DOP1B: variants seen among roughly 807,000 people sequenced by gnomAD.
The protein encoded by DOP1B is DOP1 leucine zipper like protein B, also known as protein DOP1B.
A neutral mutation model predicts 233.5 loss-of-function variants in DOP1B; 174 were observed. The observed-to-expected ratio is 0.75, with a 90% CI of 0.66 to 0.85. The LOEUF is 0.85. Ranked by LOEUF, DOP1B falls within the 40% of genes least tolerant of loss-of-function variation. DOP1B has a pLI of 0.00. For synonymous variants in DOP1B, 1,190 were observed against 1,185.6 expected, an observed-to-expected ratio of 1.00 and a Z score of -0.08; for missense variants, 2,652 against 2,846.6, an observed-to-expected ratio of 0.93 and a Z score of 1.56.
Position 36,270,552 on chromosome 21 carries a change from CAAAAAAAAAAAAAA to C in DOP1B, c.5632+408_5632+421del, listed in dbSNP as rs398040600. Among the ~76,000 whole-genome samples the C allele has an allele frequency of 3.3e-4, 12 of 36,828 alleles. 1 individual carries two copies. The highest frequency in any genetic ancestry group is 1.2e-3 in the African/African-American group (12 of 9,940). The allele number at this position is 36,828 out of a possible 152,430, so 24.2% of individuals were successfully genotyped here. A position where few individuals can be genotyped will look rare whatever the true frequency, so the allele number is the denominator to read the frequency against. On this transcript the variant is annotated intron_variant, in intron 27 of 36. Transcript: ENST00000691173. ...CAGGCGACAAAGCAAGACTCCGTCTCAAAAAAAAAAAAAAAAAAAAAAAAAAGTATTTAGAGCAG... is the reference window on the plus strand; with the variant it reads ...CAGGCGACAAAGCAAGACTCCGTCTCAAAAAAAAAAAAGTATTTAGAGCAG...
intron 2 of DOP1B, among the ~76,000 whole-genome samples, chr21:36,183,480 T>C (rs1237700591): frequency 6.6e-6 from 1 of 152,260 alleles, no homozygotes; most frequent in African/African-American, 2.4e-5. Context: ...CAGAGCCTGT[T>C]TCTTCTGCAG....
At position 36,271,936 on chromosome 21, in the gene DOP1B, CT is replaced by C. The variant is rs34465846; in HGVS notation, c.5632+1794del. Reference sequence around the variant, plus strand: ...TCGCCTGAGGTGATTACAAATGATCCTTTTTTTTTTTTTTTCAGGATTAAGC... The same window carrying C: ...TCGCCTGAGGTGATTACAAATGATCCTTTTTTTTTTTTTTCAGGATTAAGC... On this transcript the variant is annotated intron_variant, in intron 27 of 36. Coordinates refer to ENST00000691173, the MANE Select transcript of DOP1B (RefSeq NM_001320714.2). Among the ~76,000 whole-genome samples, 222 of 134,532 alleles carry C rather than the reference CT, an allele frequency of 1.7e-3. 2 individuals are homozygous for C. The highest frequency in any genetic ancestry group is 4.7e-3 in the Middle Eastern group (1 of 214). The allele number at this position is 134,532 out of a possible 152,430, so 88.3% of individuals were successfully genotyped here. A position where few individuals can be genotyped will look rare whatever the true frequency, so the allele number is the denominator to read the frequency against.
chr21:36,243,615 A>G (rs1459357307), intron 18 of DOP1B, among the ~76,000 whole-genome samples: 3 of 151,836 alleles, frequency 2.0e-5, no homozygotes, highest in African/African-American at 7.3e-5. Context: ...TGTGTATTAT[A>G]CATACTCTCT....
intron 23 of DOP1B, 145 bp downstream of exon 23, chr21:36,254,054 C>A: frequency 9.2e-7 from 1 of 1,089,458 alleles, no homozygotes; most frequent in Non-Finnish European, 1.3e-6. Context: ...AGTGGAGGTG[C>A]TGTTTGCTGT....
intron 26 of DOP1B, among the ~76,000 whole-genome samples, chr21:36,266,705 C>T (rs1301052777): frequency 6.6e-6 from 1 of 152,212 alleles, no homozygotes; most frequent in Non-Finnish European, 1.5e-5. Context: ...ATCAATTTAA[C>T]CTTTAGCCCC....
chr21:36,244,224 G>A (rs1397067205), intron 18 of DOP1B, among the ~76,000 whole-genome samples: 1 of 151,564 alleles, frequency 6.6e-6, no homozygotes, highest in Non-Finnish European at 1.5e-5. Flanking sequence ...GTTTCTCCAT[G>A]TTGGCCAGGC....
chr21:36,245,126 G>A lies in DOP1B; in HGVS notation c.3146G>A (p.Gly1049Asp). 3.7e-6 allele frequency: 6 copies of A among 1,613,836 alleles called. No individual in the cohort carries two copies. Among genetic ancestry groups the A allele is most frequent in the Non-Finnish European group, 5.1e-6 (6 of 1,179,978 alleles). ...ACAVPEPQESGSEEHLPLSQF... is the reference protein window; with the variant it reads ...ACAVPEPQESDSEEHLPLSQF... ...GCAGTGCCCGAGCCTCAGGAGAGCG[G>A]CTCTGAAGAGCACCTGCCTCTGAGC... is the stretch of plus-strand genomic sequence containing the variant. Residue 1049 changes from glycine (G) to aspartate (D), a missense_variant, in exon 19 of 37, where the codon GGC becomes GAC. Transcript: ENST00000691173. This position sits in a 1 kb window ranked among gnomAD's most constrained non-coding sequence, Gnocchi z 5.5.
intron 33 of DOP1B, 125 bp downstream of exon 33, chr21:36,288,275 A>T: frequency 1.1e-6 from 1 of 938,752 alleles, no homozygotes; most frequent in Admixed American, 2.8e-5. Context: ...TCAGGTTGGT[A>T]GCACATGGTT....
At position 36,245,889 on chromosome 21, in the gene DOP1B, C is replaced by T. The variant is rs2066954920; in HGVS notation, c.3909C>T (p.Pro1303=). The T allele has an allele frequency of 6.2e-7, 1 of 1,613,666 alleles. No individual in the cohort carries two copies. The highest frequency in any genetic ancestry group is 1.7e-5 in the Admixed American group (1 of 59,982). Residue 1303 remains proline (P), a synonymous_variant, in exon 19 of 37, where the codon CCC becomes CCT. Coordinates refer to ENST00000691173, the MANE Select transcript of DOP1B (RefSeq NM_001320714.2). This position sits in a 1 kb window ranked among gnomAD's most constrained non-coding sequence, Gnocchi z 5.5. ...SFYGKLQTQV[P]NVCPHSLLLE... ...ACGGAAAGCTCCAGACCCAGGTCCC[C>T]AACGTGTGCCCCCACTCTCTGCTCC...
At position 36,168,520 on chromosome 21, in the gene DOP1B, A is replaced by G. The variant is rs544180757; in HGVS notation, c.138+3649A>G. Among the ~76,000 whole-genome samples, 3 of 149,752 alleles carry G rather than the reference A, an allele frequency of 2.0e-5. No individual in the cohort carries two copies. The East Asian group carries it at 5.9e-4, about 29-fold the overall frequency. On this transcript the variant is annotated intron_variant, in intron 2 of 36. Coordinates refer to ENST00000691173, the MANE Select transcript of DOP1B (RefSeq NM_001320714.2). ...AGTGTTCCAATTTCCTAACATCCTC[A>G]CCAATACTTATTTTCAAGTTTTTTT...
Position 36,278,055 on chromosome 21 carries a change from C to G in DOP1B, c.5793C>G (p.Tyr1931Ter). The G allele has an allele frequency of 6.2e-7, 1 of 1,614,178 alleles. No individual in the cohort carries two copies. Among genetic ancestry groups the G allele is most frequent in the Non-Finnish European group, 8.5e-7 (1 of 1,180,020 alleles). The stretch of plus-strand genomic sequence containing the variant: ...TGCCGTTAATCTCCCGTCTGCTTTA[C>G]TATGTTTTTCCATACTTACGCAACC... Reference protein sequence around the residue: ...KAVPLISRLLYYVFPYLRNHS... With the variant: ...KAVPLISRLL Residue 1931 changes from tyrosine to a stop codon, truncating the protein, a stop_gained, in exon 29 of 37, where the codon TAC (tyrosine) becomes TAG (stop). Coordinates refer to ENST00000691173, the MANE Select transcript of DOP1B (RefSeq NM_001320714.2). LOFTEE classifies it high-confidence loss of function.
At position 36,247,561 on chromosome 21, in the gene DOP1B, C is replaced by T; in HGVS notation, c.4742C>T (p.Thr1581Ile). 1.2e-6 allele frequency: 2 copies of T among 1,610,846 alleles called. No individual in the cohort carries two copies. The highest frequency in any genetic ancestry group is 1.7e-6 in the Non-Finnish European group (2 of 1,179,092). The change falls in exon 20 of 37, where the codon ACC becomes ATC. Residue 1581 changes from threonine (T) to isoleucine (I), a missense_variant. Transcript: ENST00000691173. ...RENISPDYPL[T>I]LLEGLTTISH... ...AACATTTCTCCAGATTATCCACTCA[C>T]CCTTCTAGAAGGTCTAACGACCATT...
chr21:36,293,327 G>A lies in DOP1B; in HGVS notation c.6653G>A (p.Ser2218Asn). ...ELLKLKFGEISSSDEITMKSE... is the reference protein window; with the variant it reads ...ELLKLKFGEINSSDEITMKSE... ...GGTTTGTTTTTTCTGCAGGAAATCA[G>A]TAGCTCTGATGAGATCACCATGAAG... The change falls in exon 37 of 37, where the codon AGT (serine) becomes AAT (asparagine). Residue 2218 changes from serine to asparagine, a missense_variant. This residue lies in a region of DOP1B where 2,617 missense variants were observed against 2,794.3 expected (regional missense o/e 0.94). Coordinates refer to ENST00000691173, the MANE Select transcript of DOP1B (RefSeq NM_001320714.2). 4 of 1,613,014 alleles carry A rather than the reference G, an allele frequency of 2.5e-6. No individual in the cohort carries two copies. The highest frequency in any genetic ancestry group is 3.4e-6 in the Non-Finnish European group (4 of 1,179,418).
At chr21:36,275,675 G>A (rs888480950) in intron 27 of DOP1B, among the ~76,000 whole-genome samples, 1 of 152,064 alleles carries the variant, frequency 6.6e-6, no homozygotes, top group African/African-American at 2.4e-5. Context: ...CCCCACCTGG[G>A]AACATGTGGT....
intron 27 of DOP1B, among the ~76,000 whole-genome samples, chr21:36,275,720 C>T (rs539721727): frequency 2.0e-5 from 3 of 152,082 alleles, no homozygotes; most frequent in Admixed American, 6.6e-5. Flanking sequence ...ATGGTCATGA[C>T]ATAAAGTAAG....
intron 17 of DOP1B, among the ~76,000 whole-genome samples, chr21:36,239,201 C>G: frequency 6.6e-6 from 1 of 152,168 alleles, no homozygotes; most frequent in South Asian, 2.1e-4. Flanking sequence ...CATGTGAACA[C>G]ATGTTAGGAA....
At chr21:36,266,870 C>T (rs1467381593) in intron 26 of DOP1B, among the ~76,000 whole-genome samples, 3 of 152,206 alleles carry the variant, frequency 2.0e-5, no homozygotes, top group African/African-American at 4.8e-5. Flanking sequence ...ATATCACACC[C>T]GTCCACTCAG....
At chr21:36,284,289 G>A (rs1228727886) in intron 32 of DOP1B, among the ~76,000 whole-genome samples, 16 of 9,834 alleles carry the variant, frequency 1.6e-3, no homozygotes, top group African/African-American at 9.1e-3. Context: ...TTTTTTTTTT[G>A]AGACGGAGTC....
At chr21:36,236,071 T>C (rs899446704) in intron 15 of DOP1B, among the ~76,000 whole-genome samples, 1 of 152,238 alleles carries the variant, frequency 6.6e-6, no homozygotes, top group Non-Finnish European at 1.5e-5. Context: ...ATCTAAGTTA[T>C]GCCTAAAATA....
Sources: allele counts gnomAD v4.1 joint callset (sites outside exome capture counted in the v4.1 genomes callset), GRCh38; gene constraint gnomAD v4.1.1; regional missense constraint gnomAD v4.1.1; non-coding constraint Gnocchi (gnomAD v3.1); transcripts MANE v1.5; gene names NCBI Gene and HGNC (gene_info 2026-07-23, HGNC 2026-07-21).